SNX18: variants seen among roughly 807,000 people sequenced by gnomAD.
SNX18 encodes sorting nexin 18, also known as sorting nexin-18.
In SNX18, 35 loss-of-function variants were observed where a neutral mutation model predicts 48.7. The ratio of observed to expected loss-of-function variants is 0.72; its 90% CI spans 0.55 to 0.95. SNX18 has a LOEUF of 0.95. Among genes scored for constraint, SNX18 ranks in the 40% least tolerant of loss-of-function variants. The pLI, the probability that SNX18 is intolerant of heterozygous loss-of-function variation, is 0.00. For synonymous variants in SNX18, 492 were observed against 384.7 expected (o/e 1.28, Z -3.26); for missense variants, 824 against 871.0 (o/e 0.95, Z 0.68).
chr5:54,578,563 G>A, the SNX18 span, among the ~76,000 whole-genome samples: 1,865 of 152,336 alleles, frequency 0.012, 15 homozygotes, highest in Admixed American at 0.02. Flanking sequence ...AGGAGCAGAA[G>A]CTGCCTTTGT....
the SNX18 span, among the ~76,000 whole-genome samples, chr5:54,570,252 C>G: frequency 6.6e-6 from 1 of 152,298 alleles, no homozygotes; most frequent in Admixed American, 6.5e-5. Context: ...CTGGCAACAC[C>G]AGAAGGTAGG....
the SNX18 span, among the ~76,000 whole-genome samples, chr5:54,572,726 TTGTGTGTGTG>T: frequency 3.2e-3 from 122 of 38,642 alleles, 1 homozygote; most frequent in African/African-American, 9.9e-3. Flanking sequence ...CTCCTCCAAA[TTGTGTGTGTG>T]TGTGTGTGTG....
chr5:54,632,167 G>A, the SNX18 span, among the ~76,000 whole-genome samples: 8 of 152,144 alleles, frequency 5.3e-5, no homozygotes, highest in African/African-American at 1.9e-4. Context: ...TTTCCCATGT[G>A]GGGTCCTGCG....
chr5:54,554,920 T>C, the SNX18 span, among the ~76,000 whole-genome samples: 1 of 152,146 alleles, frequency 6.6e-6, no homozygotes, highest in Non-Finnish European at 1.5e-5. Context: ...AAAAGGAAGA[T>C]TTTATGATTC....
At chr5:54,598,684 C>T in the SNX18 span, among the ~76,000 whole-genome samples, 35 of 152,208 alleles carry the variant, frequency 2.3e-4, no homozygotes, top group African/African-American at 7.7e-4. Context: ...TTCAGCATCC[C>T]TTTTTGTTAA....
chr5:54,642,633 G>GA, the SNX18 span, among the ~76,000 whole-genome samples: 1 of 152,170 alleles, frequency 6.6e-6, no homozygotes, highest in Non-Finnish European at 1.5e-5. Flanking sequence ...ATATCCATGG[G>GA]AAAAATGATT....
intron 1 of SNX18, among the ~76,000 whole-genome samples, chr5:54,527,555 T>C (rs186828940): frequency 6.6e-6 from 1 of 152,262 alleles, no homozygotes; most frequent in East Asian, 1.9e-4. Flanking sequence ...AATTGAGTTT[T>C]CTCCTTTTAG....
the SNX18 span, among the ~76,000 whole-genome samples, chr5:54,635,262 TATA>T: frequency 6.6e-6 from 1 of 151,510 alleles, no homozygotes; most frequent in Non-Finnish European, 1.5e-5. Context: ...TTATTAATAT[TATA>T]ATACTATATA....
rs1425217126 is a variant in SNX18 at position 54,519,183 on chromosome 5, C to T, written c.1231C>T (p.Leu411Phe). 1.9e-6 allele frequency: 3 copies of T among 1,613,762 alleles called. No homozygotes were observed. The highest frequency in any genetic ancestry group is 2.2e-5 in the South Asian group (2 of 91,054). The change falls in exon 1 of 2, where the codon CTT (leucine) becomes TTT (phenylalanine). Residue 411 changes from leucine (L) to phenylalanine (F), a missense_variant. Coordinates refer to ENST00000381410, the MANE Select transcript of SNX18 (RefSeq NM_001102575.2). ...GGTGGGCGCCAACTTCTTCCTGACCCTTAGCACGCCCCCCGCCGCTGCCCT... is the reference window on the plus strand; with the variant it reads ...GGTGGGCGCCAACTTCTTCCTGACCTTTAGCACGCCCCCCGCCGCTGCCCT... ...EMVGANFFLT[L>F]STPPAAALDL...
the SNX18 span, among the ~76,000 whole-genome samples, chr5:54,611,320 T>C: frequency 2.6e-5 from 4 of 152,144 alleles, no homozygotes; most frequent in African/African-American, 4.8e-5. Flanking sequence ...GTAGGAAGCA[T>C]GCCCAAGATG....
intron 1 of SNX18, among the ~76,000 whole-genome samples, chr5:54,524,915 A>G (rs561088973): frequency 6.6e-6 from 1 of 152,334 alleles, no homozygotes; most frequent in South Asian, 2.1e-4. Context: ...TGGATGGGCC[A>G]GTCTGCCCCA....
the SNX18 span, among the ~76,000 whole-genome samples, chr5:54,577,688 T>G: frequency 6.6e-6 from 1 of 151,852 alleles, no homozygotes; most frequent in South Asian, 2.1e-4. Flanking sequence ...AGGGAAGGGG[T>G]GGGGTCCAGC....
chr5:54,564,500 A>G, the SNX18 span, among the ~76,000 whole-genome samples: 3 of 152,214 alleles, frequency 2.0e-5, no homozygotes, highest in Non-Finnish European at 4.4e-5. Context: ...AAAACAGCAT[A>G]AATGTATTAT....
At chr5:54,603,231 A>AATAT in the SNX18 span, among the ~76,000 whole-genome samples, 271 of 113,820 alleles carry the variant, frequency 2.4e-3, 2 homozygotes, top group Middle Eastern at 0.015. Flanking sequence ...ATTATTTAAA[A>AATAT]ATATATATAT....
chr5:54,628,087 G>A, the SNX18 span, among the ~76,000 whole-genome samples: 1 of 152,176 alleles, frequency 6.6e-6, no homozygotes, highest in African/African-American at 2.4e-5. Context: ...AGACAAATTA[G>A]TTGGGCACTG....
At chr5:54,587,842 G>A in the SNX18 span, among the ~76,000 whole-genome samples, 2 of 152,080 alleles carry the variant, frequency 1.3e-5, no homozygotes, top group Admixed American at 6.5e-5. Flanking sequence ...ATTTTTTAAG[G>A]CACGTGGCCA....
At chr5:54,594,015 T>G in the SNX18 span, among the ~76,000 whole-genome samples, 1 of 152,140 alleles carries the variant, frequency 6.6e-6, no homozygotes, top group Admixed American at 6.5e-5. Context: ...AAACAGATAA[T>G]TGCCATAAAA....
At chr5:54,613,300 T>G in the SNX18 span, among the ~76,000 whole-genome samples, 1 of 151,964 alleles carries the variant, frequency 6.6e-6, no homozygotes, top group Non-Finnish European at 1.5e-5. Flanking sequence ...TTCTAAAGAT[T>G]GGGACGTTCA....
rs1257500456 is a variant in SNX18, at chr5:54,544,487, T to C, written c.*1055T>C. The C allele has an allele frequency of 6.6e-6, 1 of 152,078 alleles. No homozygotes were observed. Among genetic ancestry groups the C allele is most frequent in the African/African-American group, 2.4e-5 (1 of 41,414 alleles). 9.4% of individuals were successfully genotyped at this position (152,078 alleles called of 1,614,324 possible). ...TGTTTACTTAAAAACTTTTCAGGGA[T>C]GTCTGTAAATTTCAGTGTTAATATG... On this transcript the variant is annotated 3_prime_UTR_variant, in exon 2 of 2. Coordinates refer to ENST00000381410, the MANE Select transcript of SNX18 (RefSeq NM_001102575.2).
Sources: gnomAD v4.1 joint callset for allele counts (sites outside exome capture counted in the v4.1 genomes callset) on GRCh38, gnomAD v4.1.1 for gene constraint, MANE v1.5 for transcripts, NCBI Gene and HGNC (gene_info 2026-07-23, HGNC 2026-07-21) for gene names.